The following BAIAP2L1 variants were observed in gnomAD, a reference collection of about 807,000 sequenced individuals.
BAIAP2L1 encodes the protein BAR/IMD domain containing adaptor protein 2 like 1, also known as BAR/IMD domain-containing adapter protein 2-like 1.
Under a neutral mutation model 66.3 loss-of-function variants are expected in BAIAP2L1, and 35 were observed. That is an observed-to-expected ratio of 0.53 (90% CI 0.40 to 0.70). The LOEUF (loss-of-function observed/expected upper bound fraction) is 0.70. Ranked by LOEUF, BAIAP2L1 falls within the 30% of genes least tolerant of loss-of-function variation. The pLI, the probability that BAIAP2L1 is intolerant of heterozygous loss-of-function variation, is 0.00. For missense variants in BAIAP2L1, 622 were observed against 656.9 expected, an observed-to-expected ratio of 0.95 and a Z score of 0.58; for synonymous variants, 269 against 248.7, an observed-to-expected ratio of 1.08 and a Z score of -0.77.
At chr7:98,375,101 A>C (rs1802588534) in intron 1 of BAIAP2L1, among the ~76,000 whole-genome samples, 1 of 151,882 alleles carries the variant, frequency 6.6e-6, no homozygotes, top group Non-Finnish European at 1.5e-5. Context: ...AAAACAAAAA[A>C]CAAAAACAAA....
chr7:98,368,560 G>A (rs772560898), intron 1 of BAIAP2L1, among the ~76,000 whole-genome samples: 2 of 152,234 alleles, frequency 1.3e-5, no homozygotes, highest in Non-Finnish European at 2.9e-5. Context: ...GTGTGGTGGT[G>A]CGTGCTTGTA....
At chr7:98,306,606 C>G in intron 10 of BAIAP2L1, 90 bp from the exon 11 acceptor site, 3 of 1,582,842 alleles carry the variant, frequency 1.9e-6, no homozygotes, top group Non-Finnish European at 2.6e-6. Context: ...TCAGGGCAGA[C>G]AGGTCCACTG....
chr7:98,299,311 G>A (rs1043734309), intron 12 of BAIAP2L1, among the ~76,000 whole-genome samples: 9 of 151,880 alleles, frequency 5.9e-5, no homozygotes, highest in South Asian at 4.2e-4. Context: ...GAGCCACCAC[G>A]CCTGACTGGT....
At chr7:98,314,738 G>A (rs1411609242) in intron 7 of BAIAP2L1, among the ~76,000 whole-genome samples, 2 of 152,142 alleles carry the variant, frequency 1.3e-5, no homozygotes, top group Admixed American at 6.5e-5. Context: ...CCCCGGACAC[G>A]GACCCATGAA....
In BAIAP2L1 at chr7:98,293,414, GGC is replaced by G; in HGVS notation, c.*105_*106del. On this transcript the variant is annotated 3_prime_UTR_variant, in exon 14 of 14. Coordinates refer to ENST00000005260, the MANE Select transcript of BAIAP2L1 (RefSeq NM_018842.5). Reference sequence around the variant, plus strand: ...GCTTAAGCAGGCGACATTAGAGTTAGGCCTCTCCACTGAAGCTTCCCGACCGT... The same window carrying G: ...GCTTAAGCAGGCGACATTAGAGTTAGCTCTCCACTGAAGCTTCCCGACCGT... The G allele has an allele frequency of 9.8e-7, 1 of 1,015,728 alleles. No individual in the cohort carries two copies. Among genetic ancestry groups the G allele is most frequent in the African/African-American group, 1.6e-5 (1 of 64,424 alleles). 62.9% of individuals were successfully genotyped at this position (1,015,728 alleles called of 1,614,324 possible).
chr7:98,400,407 G>T, intron 1 of BAIAP2L1: 2 of 197,106 alleles, frequency 1.0e-5, no homozygotes, highest in Non-Finnish European at 1.8e-5. Context: ...GGGAGGAGGG[G>T]GAGACACACG....
At position 98,314,815 on chromosome 7, in the gene BAIAP2L1, G is replaced by A. The variant is rs557175840; in HGVS notation, c.639+645C>T. On this transcript the variant is annotated intron_variant, in intron 7 of 13. Transcript: ENST00000005260. ...GCTGGGACTCACCAGCAGCCATGGT[G>A]AAGACACTGATGCTGAGGACACATC... is the stretch of plus-strand genomic sequence containing the variant. Among the ~76,000 whole-genome samples the A allele has an allele frequency of 2.6e-5, 4 of 152,350 alleles. No homozygotes were observed. The East Asian group carries it at 7.7e-4, about 29-fold the overall frequency.
intron 8 of BAIAP2L1, 35 bp downstream of exon 8, chr7:98,312,062 A>T: frequency 1.3e-6 from 2 of 1,555,262 alleles, no homozygotes; most frequent in Non-Finnish European, 1.7e-6. Flanking sequence ...TAGGAAACAC[A>T]CGATTGAAAT....
Position 98,367,941 on chromosome 7 carries a change from T to C in BAIAP2L1, c.52-5509A>G, listed in dbSNP as rs185869185. Among the ~76,000 whole-genome samples the C allele has an allele frequency of 4.4e-3, 665 of 152,060 alleles. 6 individuals are homozygous for C. The highest frequency in any genetic ancestry group is 0.015 in the African/African-American group (637 of 41,494). On this transcript the variant is annotated intron_variant, in intron 1 of 13. Coordinates refer to ENST00000005260, the MANE Select transcript of BAIAP2L1 (RefSeq NM_018842.5). ...GCTTGGCCGGGTTTCATCATTTCTA[T>C]GAAATTTTATCATACATGTAGGTTG...
chr7:98,321,846 T>C (rs1465139581), intron 3 of BAIAP2L1, among the ~76,000 whole-genome samples: 1 of 152,148 alleles, frequency 6.6e-6, no homozygotes, highest in African/African-American at 2.4e-5. Context: ...CCTGTCATCC[T>C]AGCACTTTTG....
intron 1 of BAIAP2L1, among the ~76,000 whole-genome samples, chr7:98,397,344 A>AGATGGAG (rs1803238139): frequency 4.4e-5 from 3 of 68,770 alleles, no homozygotes; most frequent in Admixed American, 4.2e-4. Context: ...TTTTTTTTTG[A>AGATGGAG]GATGGAGTCT....
chr7:98,304,664 C>T (rs929227928), intron 11 of BAIAP2L1, among the ~76,000 whole-genome samples: 2 of 152,104 alleles, frequency 1.3e-5, no homozygotes, highest in South Asian at 4.1e-4. Flanking sequence ...TCTTCTGCTT[C>T]AGCCTCCTGA....
intron 1 of BAIAP2L1, among the ~76,000 whole-genome samples, chr7:98,387,773 A>C (rs995984702): frequency 6.6e-6 from 1 of 151,940 alleles, no homozygotes; most frequent in Non-Finnish European, 1.5e-5. Context: ...AGGCTGGGGC[A>C]GGAGAATTTG....
At chr7:98,318,595 C>G (rs377334401) in intron 5 of BAIAP2L1, among the ~76,000 whole-genome samples, 2 of 150,906 alleles carry the variant, frequency 1.3e-5, no homozygotes, top group African/African-American at 2.4e-5. Context: ...GGGTCTTAAA[C>G]GGACCCGCGT....
At chr7:98,321,915 G>A (rs1455058844) in intron 3 of BAIAP2L1, among the ~76,000 whole-genome samples, 2 of 152,080 alleles carry the variant, frequency 1.3e-5, no homozygotes, top group African/African-American at 2.4e-5. Flanking sequence ...GGCCAACACG[G>A]TGAAACCCCG....
intron 3 of BAIAP2L1, among the ~76,000 whole-genome samples, chr7:98,331,177 C>T (rs1047969649): frequency 3.3e-5 from 5 of 152,124 alleles, no homozygotes; most frequent in South Asian, 2.1e-4. Context: ...CATAAACTTC[C>T]GAAACTGAAA....
chr7:98,369,663 ATTTTTTTTTTTTT>A lies in BAIAP2L1; in HGVS notation c.52-7244_52-7232del, dbSNP rs71112146. ...GAGGAAAGTCTCATTTGATTTCCTAATTTTTTTTTTTTTTTTTTTTTTTTTTGAGCTAGAGCTT... is the reference window on the plus strand; with the variant it reads ...GAGGAAAGTCTCATTTGATTTCCTAATTTTTTTTTTTTTGAGCTAGAGCTT... On this transcript the variant is annotated intron_variant, in intron 1 of 13. Coordinates refer to ENST00000005260, the MANE Select transcript of BAIAP2L1 (RefSeq NM_018842.5). Among the ~76,000 whole-genome samples the A allele has an allele frequency of 5.3e-4, 55 of 103,852 alleles. No individual in the cohort carries two copies. In the Middle Eastern group the frequency reaches 0.02, roughly 38 times the overall value. 68.1% of individuals were successfully genotyped at this position (103,852 alleles called of 152,430 possible). A position where few individuals can be genotyped will look rare whatever the true frequency, so the allele number is the denominator to read the frequency against.
chr7:98,374,550 A>C (rs555380448), intron 1 of BAIAP2L1, among the ~76,000 whole-genome samples: 1 of 152,290 alleles, frequency 6.6e-6, no homozygotes, highest in Admixed American at 6.5e-5. Flanking sequence ...GGTGAAAAAA[A>C]GTGAGATGAA....
intron 1 of BAIAP2L1, among the ~76,000 whole-genome samples, chr7:98,388,985 CAAA>C (rs1196354587): frequency 6.7e-6 from 1 of 149,438 alleles, no homozygotes; most frequent in African/African-American, 2.5e-5. Flanking sequence ...AAAAAAAAAA[CAAA>C]AAACAAACCA....
Sources: gnomAD v4.1 joint callset for allele counts (sites outside exome capture counted in the v4.1 genomes callset) on GRCh38, gnomAD v4.1.1 for gene constraint, MANE v1.5 for transcripts, NCBI Gene and HGNC (gene_info 2026-07-23, HGNC 2026-07-21) for gene names.